Variants in NKAIN3 observed in about 807,000 individuals in gnomAD.
NKAIN3 encodes the protein sodium/potassium transporting ATPase interacting 3.
NKAIN3 carries 25 observed loss-of-function variants against 30.2 expected under a neutral mutation model. The observed-to-expected ratio is 0.83, with a 90% CI of 0.60 to 1.16. NKAIN3 has a LOEUF of 1.16. Among genes scored for constraint, NKAIN3 ranks in the 50% most tolerant of loss-of-function variants. The probability of loss-of-function intolerance (pLI) is 0.00; values close to 1 mark genes in which losing one functional copy is unlikely to be tolerated. For missense variants in NKAIN3, 225 were observed against 254.1 expected, an observed-to-expected ratio of 0.89 and a Z score of 0.78; for synonymous variants, 91 against 89.6, an observed-to-expected ratio of 1.02 and a Z score of -0.09.
chr8:62,792,340 T>A (rs1422405850), intron 4 of NKAIN3, among the ~76,000 whole-genome samples: 1 of 152,028 alleles, frequency 6.6e-6, no homozygotes, highest in Non-Finnish European at 1.5e-5. Context: ...TATCAGAGAG[T>A]CCATTCCAAA....
chr8:62,567,083 C>T (rs988812346), intron 1 of NKAIN3, among the ~76,000 whole-genome samples: 4 of 151,842 alleles, frequency 2.6e-5, no homozygotes, highest in African/African-American at 9.7e-5. Flanking sequence ...ATTCTTATAC[C>T]TATATTACAA....
At chr8:62,998,274 T>C (rs184095498) in intron 5 of NKAIN3, among the ~76,000 whole-genome samples, 11 of 150,310 alleles carry the variant, frequency 7.3e-5, no homozygotes, top group African/African-American at 1.3e-4. Flanking sequence ...CTCTCTCTCT[T>C]TTTTTTTCCC....
intron 1 of NKAIN3, among the ~76,000 whole-genome samples, chr8:62,350,980 G>A (rs889292918): frequency 6.6e-5 from 10 of 151,756 alleles, no homozygotes; most frequent in African/African-American, 9.7e-5. Flanking sequence ...ATGAGCCACC[G>A]TGCCCAGCCG....
intron 1 of NKAIN3, among the ~76,000 whole-genome samples, chr8:62,394,875 G>GA (rs1563378738): frequency 1.0e-5 from 1 of 100,404 alleles, no homozygotes; most frequent in Non-Finnish European, 2.0e-5. Context: ...GGCGGCCGGG[G>GA]GAGGCGCTCA....
intron 3 of NKAIN3, among the ~76,000 whole-genome samples, chr8:62,727,570 G>C (rs1815299501): frequency 1.3e-5 from 2 of 152,112 alleles, no homozygotes; most frequent in African/African-American, 4.8e-5. Context: ...AGTGGCATTT[G>C]AAGTTAAAAA....
At chr8:62,590,727 TGTG>T (rs1462692611) in intron 3 of NKAIN3, among the ~76,000 whole-genome samples, 3 of 151,846 alleles carry the variant, frequency 2.0e-5, no homozygotes, top group African/African-American at 7.2e-5. Context: ...TTGAAGTCCT[TGTG>T]GTAACAAAAC....
chr8:62,898,035 A>G (rs1346734362), intron 4 of NKAIN3, among the ~76,000 whole-genome samples: 1 of 152,326 alleles, frequency 6.6e-6, no homozygotes, highest in East Asian at 1.9e-4. Flanking sequence ...ATGCACCTCA[A>G]GGTGCAAATT....
At chr8:62,337,524 C>T (rs1462848420) in intron 1 of NKAIN3, among the ~76,000 whole-genome samples, 1 of 151,684 alleles carries the variant, frequency 6.6e-6, no homozygotes, top group East Asian at 1.9e-4. Context: ...CTGTGTTTTA[C>T]AAGTAGTTGC....
At chr8:62,681,639 TA>T (rs1813648313) in intron 3 of NKAIN3, among the ~76,000 whole-genome samples, 1 of 152,202 alleles carries the variant, frequency 6.6e-6, no homozygotes, top group African/African-American at 2.4e-5. Flanking sequence ...AAAATCATGT[TA>T]TTTTTATGTA....
chr8:62,393,363 A>C (rs929230147), intron 1 of NKAIN3, among the ~76,000 whole-genome samples: 16 of 151,878 alleles, frequency 1.1e-4, no homozygotes, highest in African/African-American at 3.9e-4. Context: ...CACGATCTTC[A>C]TTTCATTGAA....
intron 1 of NKAIN3, among the ~76,000 whole-genome samples, chr8:62,503,637 G>A (rs1325731772): frequency 6.6e-6 from 1 of 151,912 alleles, no homozygotes; most frequent in Non-Finnish European, 1.5e-5. Flanking sequence ...CCTTCCCCCA[G>A]GAATGCAATT....
intron 5 of NKAIN3, among the ~76,000 whole-genome samples, chr8:62,945,586 T>A (rs1159512795): frequency 6.6e-6 from 1 of 152,150 alleles, no homozygotes; most frequent in Admixed American, 6.5e-5. Context: ...AGAAGCAAGG[T>A]CCAGAATGGC....
chr8:62,292,738 C>A (rs1344278533), intron 1 of NKAIN3, among the ~76,000 whole-genome samples: 1 of 151,948 alleles, frequency 6.6e-6, no homozygotes, highest in East Asian at 1.9e-4. Flanking sequence ...TCTTGAATAT[C>A]TTTGTGGTGT....
At chr8:62,724,330 C>T (rs1010749269) in intron 3 of NKAIN3, among the ~76,000 whole-genome samples, 2 of 152,012 alleles carry the variant, frequency 1.3e-5, no homozygotes, top group Non-Finnish European at 2.9e-5. Flanking sequence ...ATGTACAATA[C>T]TTCAGAGTAA....
At chr8:62,922,437 A>G (rs2130862166) in intron 5 of NKAIN3, among the ~76,000 whole-genome samples, 1 of 152,302 alleles carries the variant, frequency 6.6e-6, no homozygotes, top group Middle Eastern at 3.4e-3. Context: ...TTAATTTATG[A>G]ATTTCCTTTT....
chr8:62,825,552 G>C (rs138980275), intron 4 of NKAIN3, among the ~76,000 whole-genome samples: 2 of 152,012 alleles, frequency 1.3e-5, no homozygotes, highest in Admixed American at 6.6e-5. Flanking sequence ...TGTGTTTGTC[G>C]TCTTTATGCA....
intron 1 of NKAIN3, among the ~76,000 whole-genome samples, chr8:62,524,258 T>C (rs1808237209): frequency 6.6e-6 from 1 of 151,756 alleles, no homozygotes; most frequent in Non-Finnish European, 1.5e-5. Flanking sequence ...AAATATACCT[T>C]GGCCAAGAAA....
At chr8:62,877,824 T>G (rs896225924) in intron 4 of NKAIN3, among the ~76,000 whole-genome samples, 1 of 152,032 alleles carries the variant, frequency 6.6e-6, no homozygotes, top group Non-Finnish European at 1.5e-5. Context: ...GCAGATCACC[T>G]GAGGTTCGGA....
intron 4 of NKAIN3, among the ~76,000 whole-genome samples, chr8:62,875,242 A>G (rs1820760133): frequency 6.6e-6 from 1 of 152,170 alleles, no homozygotes; most frequent in African/African-American, 2.4e-5. Context: ...CAAAGAGAAT[A>G]AAATACCTAG....
Sources: gnomAD v4.1 joint callset for allele counts (sites outside exome capture counted in the v4.1 genomes callset) on GRCh38, gnomAD v4.1.1 for gene constraint, MANE v1.5 for transcripts, NCBI Gene and HGNC (gene_info 2026-07-23, HGNC 2026-07-21) for gene names.